The following FAT3 variants were observed in gnomAD, a reference collection of about 807,000 sequenced individuals.
The protein encoded by FAT3 is protocadherin Fat 3.
A neutral mutation model predicts 310.2 loss-of-function variants in FAT3; 95 were observed. That is an observed-to-expected ratio of 0.31 (90% CI 0.26 to 0.36). The LOEUF (loss-of-function observed/expected upper bound fraction) is 0.36. Among genes scored for constraint, FAT3 ranks in the 10% least tolerant of loss-of-function variants. The pLI is 1.00. For synonymous variants in FAT3, 2,314 were observed against 2,192.9 expected (o/e 1.06, Z -1.54); for missense variants, 5,408 against 5,715.6 (o/e 0.95, Z 1.74).
chr11:92,581,426 C>T (rs1938792462), intron 3 of FAT3, among the ~76,000 whole-genome samples: 1 of 151,502 alleles, frequency 6.6e-6, no homozygotes, highest in Admixed American at 6.6e-5. Context: ...GTCCCTCATT[C>T]AGAATATCCA....
At chr11:92,634,840 G>C (rs948428572) in intron 3 of FAT3, among the ~76,000 whole-genome samples, 5 of 152,158 alleles carry the variant, frequency 3.3e-5, no homozygotes, top group African/African-American at 1.2e-4. Flanking sequence ...CTCTAAGGAA[G>C]TAATTAAGGT....
Position 92,798,612 on chromosome 11 carries a change from G to T in FAT3, c.5599G>T (p.Val1867Phe), listed in dbSNP as rs201824046. ...GSPQLTAESP[V>F]EVNIEVTDVN... Reference sequence around the variant, plus strand: ...CCCCCAACTGACTGCAGAGAGTCCCGTTGAAGTCAACATTGAGGTGACAGA... The same window carrying T: ...CCCCCAACTGACTGCAGAGAGTCCCTTTGAAGTCAACATTGAGGTGACAGA... The change falls in exon 10 of 28, where the codon GTT becomes TTT. Residue 1867 changes from valine (V) to phenylalanine (F), a missense_variant. Around this residue, in one of 5 missense-constraint regions of FAT3, gnomAD observed 4,588 missense variants for 4,809.8 expected, o/e 0.95. Coordinates refer to ENST00000525166, the MANE Select transcript of FAT3 (RefSeq NM_001367949.2). 6.2e-7 allele frequency: 1 copy of T among 1,613,754 alleles called. No individual in the cohort carries two copies. The highest frequency in any genetic ancestry group is 1.3e-5 in the African/African-American group (1 of 75,016).
At chr11:92,678,133 G>C (rs980988803) in intron 3 of FAT3, among the ~76,000 whole-genome samples, 4 of 152,122 alleles carry the variant, frequency 2.6e-5, no homozygotes, top group Admixed American at 6.5e-5. Flanking sequence ...GTTGCAAGAG[G>C]GAAACAATCA....
At position 92,355,129 on chromosome 11, in the gene FAT3, A is replaced by T; in HGVS notation, c.3017A>T (p.Tyr1006Phe). 6.2e-7 allele frequency: 1 copy of T among 1,613,818 alleles called. No homozygotes were observed. The highest frequency in any genetic ancestry group is 8.5e-7 in the Non-Finnish European group (1 of 1,179,864). The change falls in exon 2 of 28, where the codon TAT (tyrosine) becomes TTT (phenylalanine). Residue 1006 changes from tyrosine (Y) to phenylalanine (F), a missense_variant. Physicochemically the swap from Tyr to Phe is conservative, Grantham distance 22. Coordinates refer to ENST00000525166, the MANE Select transcript of FAT3 (RefSeq NM_001367949.2). Reference sequence around the variant, plus strand: ...CTTGATTATGAGAAACAGCAGTTCTATAACCTTACTGTGCGGGCCAAAGAC... The same window carrying T: ...CTTGATTATGAGAAACAGCAGTTCTTTAACCTTACTGTGCGGGCCAAAGAC... ...KELDYEKQQFYNLTVRAKDKG... is the reference protein window; with the variant it reads ...KELDYEKQQFFNLTVRAKDKG...
At chr11:92,576,413 A>ATTTTTTTCC (rs1938489125) in intron 3 of FAT3, among the ~76,000 whole-genome samples, 1 of 151,964 alleles carries the variant, frequency 6.6e-6, no homozygotes, top group Non-Finnish European at 1.5e-5. Context: ...AATTGATAAA[A>ATTTTTTTCC]CTTCAGTCCA....
chr11:92,806,532 T>C lies in FAT3; in HGVS notation c.9247+17T>C. 1 of 1,531,484 alleles carries C rather than the reference T, an allele frequency of 6.5e-7. No individual in the cohort carries two copies. Among genetic ancestry groups the C allele is most frequent in the Admixed American group, 2.1e-5 (1 of 47,810 alleles). The allele number at this position is 1,531,484 out of a possible 1,614,324, so 94.9% of individuals were successfully genotyped here. ...CAGAAAGTGGTAAGCTAAAATTTATTATTGAGATAAATGTCATTGTTAATT... is the reference window on the plus strand; with the variant it reads ...CAGAAAGTGGTAAGCTAAAATTTATCATTGAGATAAATGTCATTGTTAATT... On this transcript the variant is annotated intron_variant, in intron 12 of 27. Coordinates refer to ENST00000525166, the MANE Select transcript of FAT3 (RefSeq NM_001367949.2).
At chr11:92,314,402 C>T (rs1947382743) in intron 1 of FAT3, 1 of 503,122 alleles carries the variant, frequency 2.0e-6, no homozygotes, top group Admixed American at 6.4e-5. Context: ...AAGGAAAATG[C>T]TGGACTGGTT....
In FAT3 at chr11:92,697,454, A is replaced by T; in HGVS notation, c.3669+9A>T. The T allele has an allele frequency of 6.2e-7, 1 of 1,613,720 alleles. No individual in the cohort carries two copies. Among genetic ancestry groups the T allele is most frequent in the Non-Finnish European group, 8.5e-7 (1 of 1,179,692 alleles). On this transcript the variant is annotated intron_variant, in intron 4 of 27. Coordinates refer to ENST00000525166, the MANE Select transcript of FAT3 (RefSeq NM_001367949.2). ...CAGAACATTTTCTGGAGGTAAGCGC[A>T]TAGAGGGAACTGAAATTCATTAAAA...
intron 3 of FAT3, among the ~76,000 whole-genome samples, chr11:92,588,794 G>T (rs1939282534): frequency 6.6e-6 from 1 of 151,560 alleles, no homozygotes; most frequent in Admixed American, 6.6e-5. Flanking sequence ...CTTATCTATA[G>T]CCAGTCCACA....
At chr11:92,458,059 C>T (rs1430876168) in intron 2 of FAT3, among the ~76,000 whole-genome samples, 1 of 152,214 alleles carries the variant, frequency 6.6e-6, no homozygotes, top group African/African-American at 2.4e-5. Context: ...TTAAAGCCTA[C>T]TGCTTATGCC....
intron 1 of FAT3, among the ~76,000 whole-genome samples, chr11:92,235,816 GTGTT>G (rs1864394726): frequency 6.6e-6 from 1 of 152,194 alleles, no homozygotes; most frequent in Non-Finnish European, 1.5e-5. Flanking sequence ...TTCTAAGCAA[GTGTT>G]GGGAACACAT....
intron 1 of FAT3, among the ~76,000 whole-genome samples, chr11:92,347,640 A>G (rs1249183960): frequency 6.6e-6 from 1 of 152,130 alleles, no homozygotes; most frequent in Non-Finnish European, 1.5e-5. Context: ...CCATGGAAAG[A>G]AAAATCTGCA....
intron 19 of FAT3, among the ~76,000 whole-genome samples, chr11:92,847,723 T>C (rs1335122743): frequency 6.6e-6 from 1 of 152,210 alleles, no homozygotes; most frequent in Non-Finnish European, 1.5e-5. Context: ...CACAGCAAGA[T>C]AAAGAGGAAA....
intron 14 of FAT3, 35 bp from the exon 15 acceptor site, chr11:92,834,835 T>A (rs768717468): frequency 1.3e-6 from 2 of 1,519,104 alleles, no homozygotes; most frequent in South Asian, 1.2e-5. Context: ...TGTTTTTTCC[T>A]AATGAAATAT....
At chr11:92,396,311 A>G (rs1027623568) in intron 2 of FAT3, among the ~76,000 whole-genome samples, 1 of 152,142 alleles carries the variant, frequency 6.6e-6, no homozygotes, top group African/African-American at 2.4e-5. Flanking sequence ...ACTAGTCCCA[A>G]ACCAGGATTT....
intron 4 of FAT3, among the ~76,000 whole-genome samples, chr11:92,759,513 C>T (rs898531035): frequency 6.6e-6 from 1 of 152,082 alleles, no homozygotes; most frequent in South Asian, 2.1e-4. Context: ...GACATTTCAG[C>T]TGGACTTAAA....
At chr11:92,840,367 C>T (rs535197587) in intron 17 of FAT3, among the ~76,000 whole-genome samples, 195 bp from the exon 18 acceptor site, 33 of 152,220 alleles carry the variant, frequency 2.2e-4, no homozygotes, top group Non-Finnish European at 4.4e-4. Context: ...AGGAACATGA[C>T]ACTTACAGAC....
intron 9 of FAT3, among the ~76,000 whole-genome samples, chr11:92,795,070 A>G (rs1280716286): frequency 6.6e-6 from 1 of 152,166 alleles, no homozygotes; most frequent in African/African-American, 2.4e-5. Context: ...TAAAGTAACT[A>G]CGGAAGCTTT....
chr11:92,665,667 G>C (rs538777705), intron 3 of FAT3, among the ~76,000 whole-genome samples: 6 of 152,262 alleles, frequency 3.9e-5, no homozygotes, highest in African/African-American at 1.2e-4. Context: ...AGTGGTCTCA[G>C]CTCCAAACTC....
Sources: gnomAD v4.1 joint callset for allele counts (sites outside exome capture counted in the v4.1 genomes callset) on GRCh38, gnomAD v4.1.1 for gene constraint, gnomAD v4.1.1 regional missense constraint, MANE v1.5 for transcripts, NCBI Gene and HGNC (gene_info 2026-07-23, HGNC 2026-07-21) for gene names.